The following PSMD8 variants were observed in gnomAD, a reference collection of about 807,000 sequenced individuals.
PSMD8 encodes the protein proteasome 26S subunit, non-ATPase 8.
Under a neutral mutation model 40.0 loss-of-function variants are expected in PSMD8, and 30 were observed. The observed-to-expected ratio is 0.75, with a 90% confidence interval of 0.56 to 1.02. The LOEUF (loss-of-function observed/expected upper bound fraction) is 1.02, where lower values mean the gene tolerates loss of function less well. PSMD8 is among the 50% of genes least tolerant of loss of function. PSMD8 has a pLI of 0.00. For synonymous variants in PSMD8, 208 were observed against 192.5 expected (o/e 1.08, Z -0.67); for missense variants, 461 against 463.9 (o/e 0.99, Z 0.06).
At chr19:38,380,691 A>G (rs1970632177) in intron 4 of PSMD8, among the ~76,000 whole-genome samples, 1 of 112,026 alleles carries the variant, frequency 8.9e-6, no homozygotes, top group Non-Finnish European at 2.0e-5. Context: ...AGAGGGGGTG[A>G]GAGAGAGAGA....
At chr19:38,381,080 C>A in intron 5 of PSMD8, 81 bp downstream of exon 5, 1 of 1,153,616 alleles carries the variant, frequency 8.7e-7, no homozygotes, top group Non-Finnish European at 1.2e-6. Flanking sequence ...AATCTCATTC[C>A]AGCCATTGGT....
chr19:38,376,063 C>T (rs969334414), intron 1 of PSMD8, 97 bp from the exon 2 acceptor site: 5 of 1,254,254 alleles, frequency 4.0e-6, no homozygotes, highest in African/African-American at 1.5e-5. Context: ...ATGGTTAGCT[C>T]CATTTTCCAA....
chr19:38,380,348 C>G (rs1164667885), intron 4 of PSMD8, among the ~76,000 whole-genome samples: 1 of 152,198 alleles, frequency 6.6e-6, no homozygotes, highest in Non-Finnish European at 1.5e-5. Flanking sequence ...TCCAAATGTC[C>G]TGAGGCAGTA....
In PSMD8 at chr19:38,382,180, GA is replaced by G; in HGVS notation, c.868del (p.Ile290SerfsTer10). On this transcript the variant is annotated frameshift_variant, in exon 6 of 7. Coordinates refer to ENST00000215071, the MANE Select transcript of PSMD8 (RefSeq NM_002812.5). LOFTEE classifies it high-confidence loss of function. The part of the protein sequence containing the change: ...EKILFTEATR[I>X]LFFNTPKKMT... ...AAATCCTTTTCACTGAGGCCACCCG[GA>G]TCCTCTTCTTCAACACACCCAAAAA... 1 of 1,596,474 alleles carries G rather than the reference GA, an allele frequency of 6.3e-7. No homozygotes were observed. The highest frequency in any genetic ancestry group is 8.5e-7 in the Non-Finnish European group (1 of 1,171,920).
chr19:38,379,525 C>T, intron 4 of PSMD8, 120 bp downstream of exon 4: 1 of 1,123,492 alleles, frequency 8.9e-7, no homozygotes, highest in Non-Finnish European at 1.3e-6. Flanking sequence ...CGGACCCATC[C>T]TCTTGTTTGT....
intron 6 of PSMD8, chr19:38,382,683 G>T (rs1045270063): frequency 4.2e-5 from 10 of 236,198 alleles, no homozygotes; most frequent in Non-Finnish European, 7.4e-5. Flanking sequence ...GAGGTGGGAG[G>T]ATCGCCTGAG....
chr19:38,381,075 C>T (rs947975133), intron 5 of PSMD8, 76 bp downstream of exon 5: 4 of 1,164,782 alleles, frequency 3.4e-6, no homozygotes, highest in Non-Finnish European at 4.8e-6. Flanking sequence ...GTCTGAATCT[C>T]ATTCCAGCCA....
At chr19:38,376,839 T>G (rs1245210526) in intron 3 of PSMD8, among the ~76,000 whole-genome samples, 1 of 152,202 alleles carries the variant, frequency 6.6e-6, no homozygotes, top group Non-Finnish European at 1.5e-5. Context: ...CAAGACCAAG[T>G]TCTTTCCTGT....
intron 3 of PSMD8, 22 bp downstream of exon 3, chr19:38,376,476 A>G (rs923003928): frequency 1.3e-6 from 2 of 1,525,738 alleles, no homozygotes; most frequent in Non-Finnish European, 1.8e-6. Flanking sequence ...CCCTGCCCCC[A>G]ACTGGGGGGG....
At position 38,380,910 on chromosome 19, in the gene PSMD8, G is replaced by A. The variant is rs765337144; in HGVS notation, c.714G>A (p.Glu238=). 26 of 1,575,814 alleles carry A rather than the reference G, an allele frequency of 1.6e-5. No homozygotes were observed. The highest frequency in any genetic ancestry group is 1.6e-5 in the Non-Finnish European group (18 of 1,159,476). The change falls in exon 5 of 7, where the codon GAG becomes GAA. Residue 238 remains glutamate, a synonymous_variant. Coordinates refer to ENST00000215071, the MANE Select transcript of PSMD8 (RefSeq NM_002812.5). ...CCCGGCTTCTGCAGTACCTGATGGA[G>A]GGCAGCTACAACAAAGTGTTCCTGG... ...HPVSLEQYLM[E]GSYNKVFLAK...
Position 38,383,679 on chromosome 19 carries a change from A to T in PSMD8, c.*289A>T, listed in dbSNP as rs1970663125. 2.2e-6 allele frequency: 1 copy of T among 451,128 alleles called. No homozygotes were observed. The highest frequency in any genetic ancestry group is 2.0e-5 in the African/African-American group (1 of 51,050). 27.9% of individuals were successfully genotyped at this position (451,128 alleles called of 1,614,324 possible). On this transcript the variant is annotated 3_prime_UTR_variant, in exon 7 of 7. Coordinates refer to ENST00000215071, the MANE Select transcript of PSMD8 (RefSeq NM_002812.5). ...GCAGCACTGTGGCCTGCAGGAGGGC[A>T]TGGCCCCAGGTAGGGGGACTGTTCT...
At chr19:38,380,770 C>T in intron 4 of PSMD8, 129 bp from the exon 5 acceptor site, 1 of 633,488 alleles carries the variant, frequency 1.6e-6, no homozygotes, top group African/African-American at 1.9e-5. Flanking sequence ...AGGGGGTACC[C>T]AGGGCAGGGG....
Position 38,382,347 on chromosome 19 carries a change from ACT to A in PSMD8, c.915+122_915+123del. ...GCCCAGGTTTAAGTTCAACTGTGTG[ACT>A]CTAGGCAAGCTGCCAAAGCTCTCTG... On this transcript the variant is annotated intron_variant, in intron 6 of 6. Coordinates refer to ENST00000215071, the MANE Select transcript of PSMD8 (RefSeq NM_002812.5). 3.8e-6 allele frequency: 3 copies of A among 791,200 alleles called. No homozygotes were observed. In the East Asian group the frequency reaches 8.0e-5, roughly 21 times the overall value. 49.0% of individuals were successfully genotyped at this position (791,200 alleles called of 1,614,324 possible).
chr19:38,381,238 G>A, intron 5 of PSMD8: 1 of 447,466 alleles, frequency 2.2e-6, no homozygotes, highest in South Asian at 3.4e-5. Context: ...TGTCAAACCT[G>A]AGCATGGAAT....
Position 38,376,596 on chromosome 19 carries a change from G to A in PSMD8, c.536+142G>A, listed in dbSNP as rs909029359. 3 of 762,292 alleles carry A rather than the reference G, an allele frequency of 3.9e-6. No homozygotes were observed. In the African/African-American group the frequency reaches 5.3e-5, roughly 13 times the overall value. 47.2% of individuals were successfully genotyped at this position (762,292 alleles called of 1,614,324 possible). A position where few individuals can be genotyped will look rare whatever the true frequency, so the allele number is the denominator to read the frequency against. ...CTCTCCTCAGTGGTGCAGGGTCAGG[G>A]CTTGGCTTGGAGGTCCTGAGACTTG... On this transcript the variant is annotated intron_variant, in intron 3 of 6. Coordinates refer to ENST00000215071, the MANE Select transcript of PSMD8 (RefSeq NM_002812.5).
Position 38,383,163 on chromosome 19 carries a change from A to G in PSMD8, c.916-90A>G, listed in dbSNP as rs1341031899. 1.8e-5 allele frequency: 27 copies of G among 1,531,432 alleles called. No homozygotes were observed. The South Asian group carries it at 2.8e-4, about 16-fold the overall frequency. 94.9% of individuals were successfully genotyped at this position (1,531,432 alleles called of 1,614,324 possible). Reference sequence around the variant, plus strand: ...AGTACGATTGGTGAGAAAAGAGAGCATAGGACACGTGGGCAAGTGCTGGCC... The same window carrying G: ...AGTACGATTGGTGAGAAAAGAGAGCGTAGGACACGTGGGCAAGTGCTGGCC... On this transcript the variant is annotated intron_variant, in intron 6 of 6. Transcript: ENST00000215071.
rs1970659177 is a variant in PSMD8, at chr19:38,383,314, A to G, written c.977A>G (p.Glu326Gly). 6.2e-7 allele frequency: 1 copy of G among 1,613,592 alleles called. No individual in the cohort carries two copies. Among genetic ancestry groups the G allele is most frequent in the Non-Finnish European group, 8.5e-7 (1 of 1,179,884 alleles). ...TTTGCCAGCCAGCAGCAGAAGCCGG[A>G]AGACACCACCATTCCCTCCACAGAA... ...YSFASQQQKP[E>G]DTTIPSTELA... is the part of the protein sequence containing the mutation. The change falls in exon 7 of 7, where the codon GAA becomes GGA. Residue 326 changes from glutamate (E) to glycine (G), a missense_variant. By Grantham distance (98) the Glu-to-Gly change is moderately conservative (BLOSUM62 -2). Coordinates refer to ENST00000215071, the MANE Select transcript of PSMD8 (RefSeq NM_002812.5).
At chr19:38,382,324 C>G in intron 6 of PSMD8, 96 bp downstream of exon 6, 1 of 987,862 alleles carries the variant, frequency 1.0e-6, no homozygotes, top group South Asian at 1.4e-5. Context: ...ACAAGACTGC[C>G]CAGGTTTAAG....
chr19:38,379,568 GCACTGTGGTAGGTTGTCAGA>G (rs1222713601), intron 4 of PSMD8, among the ~76,000 whole-genome samples, 163 bp downstream of exon 4: 1 of 152,222 alleles, frequency 6.6e-6, no homozygotes, highest in South Asian at 2.1e-4. Context: ...TGTGTGCCTG[GCACTGTGGTAGGTTGTCAGA>G]CTGTGCAGTG....
Sources: allele counts gnomAD v4.1 joint callset (sites outside exome capture counted in the v4.1 genomes callset), GRCh38; gene constraint gnomAD v4.1.1; transcripts MANE v1.5; gene names NCBI Gene and HGNC (gene_info 2026-07-23, HGNC 2026-07-21).